The following OR9Q1 variants were observed in gnomAD, a reference collection of about 807,000 sequenced individuals.
The protein encoded by OR9Q1 is olfactory receptor family 9 subfamily Q member 1, also known as olfactory receptor 9Q1.
For synonymous variants in OR9Q1, 153 were observed against 148.6 expected (o/e 1.03, Z -0.22); for missense variants, 374 against 378.8 (o/e 0.99, Z 0.11).
chr11:58,031,404 C>T, intron 1 of OR9Q1: 1 of 1,614,202 alleles, frequency 6.2e-7, no homozygotes, highest in Non-Finnish European at 8.5e-7. Context: ...CTGGCAGCTG[C>T]CTGTTGGCTG....
intron 2 of OR9Q1, among the ~76,000 whole-genome samples, chr11:58,130,361 A>G (rs1854129918): frequency 6.6e-6 from 1 of 152,200 alleles, no homozygotes; most frequent in Non-Finnish European, 1.5e-5. Context: ...CTACATAATC[A>G]TCAAATATTT....
intron 2 of OR9Q1, among the ~76,000 whole-genome samples, chr11:58,099,017 T>C (rs1853758432): frequency 6.6e-6 from 1 of 152,044 alleles, no homozygotes; most frequent in Non-Finnish European, 1.5e-5. Flanking sequence ...GTATTACTAG[T>C]TTCATACCAT....
chr11:58,113,574 T>G (rs1565079332), intron 2 of OR9Q1, among the ~76,000 whole-genome samples: 1 of 152,212 alleles, frequency 6.6e-6, no homozygotes, highest in African/African-American at 2.4e-5. Flanking sequence ...ATATCACCAG[T>G]GGGGACAACC....
In OR9Q1 at chr11:58,024,011, A is replaced by T. The variant is rs930737271; in HGVS notation, c.-186A>T. The stretch of plus-strand genomic sequence containing the variant: ...CTTCCATCTTTAGTCCAGCCCAGCA[A>T]TGTACATGTTATCCTTCCCGTTTGA... On this transcript the variant is annotated 5_prime_UTR_variant, in exon 1 of 3. An upstream start codon of the reference 5' UTR is lost. Coordinates refer to ENST00000335397, the MANE Select transcript of OR9Q1 (RefSeq NM_001005212.4). 1 of 152,234 alleles carries T rather than the reference A, an allele frequency of 6.6e-6. No homozygotes were observed. The highest frequency in any genetic ancestry group is 2.4e-5 in the African/African-American group (1 of 41,452). The allele number at this position is 152,234 out of a possible 1,614,324, so 9.4% of individuals were successfully genotyped here.
At chr11:58,134,260 A>G (rs1212054829) in intron 2 of OR9Q1, among the ~76,000 whole-genome samples, 2 of 152,160 alleles carry the variant, frequency 1.3e-5, no homozygotes, top group Non-Finnish European at 2.9e-5. Flanking sequence ...AGAGGCAGAG[A>G]GCACTAGTAG....
intron 2 of OR9Q1, chr11:58,108,753 T>C (rs929868834): frequency 2.4e-5 from 5 of 207,816 alleles, no homozygotes; most frequent in Non-Finnish European, 3.9e-5. Context: ...TACCAACGAG[T>C]TTTCCAAATG....
intron 2 of OR9Q1, among the ~76,000 whole-genome samples, chr11:58,070,512 A>G (rs1382197511): frequency 6.6e-6 from 1 of 152,152 alleles, no homozygotes; most frequent in Non-Finnish European, 1.5e-5. Context: ...CAATTTATGC[A>G]AATTGGAACT....
intron 1 of OR9Q1, among the ~76,000 whole-genome samples, chr11:58,032,223 TCAATG>T (rs1853048885): frequency 6.6e-6 from 1 of 152,084 alleles, no homozygotes; most frequent in Non-Finnish European, 1.5e-5. Flanking sequence ...TATCAAACTA[TCAATG>T]TCATTTTTCA....
chr11:58,103,159 C>A (rs1343829570), intron 2 of OR9Q1, among the ~76,000 whole-genome samples: 1 of 152,026 alleles, frequency 6.6e-6, no homozygotes, highest in Non-Finnish European at 1.5e-5. Flanking sequence ...AGGAAACTTA[C>A]AATCATGGCA....
chr11:58,126,260 C>T (rs1326541330), intron 2 of OR9Q1, among the ~76,000 whole-genome samples: 5 of 152,162 alleles, frequency 3.3e-5, no homozygotes, highest in Non-Finnish European at 5.9e-5. Context: ...ACTTGTCTTA[C>T]AGTGTTCATA....
At chr11:58,153,152 G>A (rs529182474) in intron 2 of OR9Q1, among the ~76,000 whole-genome samples, 1 of 152,290 alleles carries the variant, frequency 6.6e-6, no homozygotes, top group Non-Finnish European at 1.5e-5. Flanking sequence ...ATAGAATAAA[G>A]CATGCCCAGA....
At chr11:58,055,253 A>C (rs1565062856) in intron 1 of OR9Q1, among the ~76,000 whole-genome samples, 1 of 152,100 alleles carries the variant, frequency 6.6e-6, no homozygotes, top group Non-Finnish European at 1.5e-5. Flanking sequence ...AACATAAAAA[A>C]CACTAAAAAG....
At chr11:58,119,471 G>T in intron 2 of OR9Q1, 2 of 1,336,846 alleles carry the variant, frequency 1.5e-6, no homozygotes, top group Non-Finnish European at 2.1e-6. Context: ...GTTGGTCTGA[G>T]GATGATAATG....
At chr11:58,089,884 T>C (rs1281873453) in intron 2 of OR9Q1, among the ~76,000 whole-genome samples, 1 of 151,922 alleles carries the variant, frequency 6.6e-6, no homozygotes, top group African/African-American at 2.4e-5. Flanking sequence ...TAAGTTGGGT[T>C]CCTAGGTATT....
chr11:58,123,481 T>G (rs1378167792), intron 2 of OR9Q1, among the ~76,000 whole-genome samples: 1 of 152,152 alleles, frequency 6.6e-6, no homozygotes, highest in Non-Finnish European at 1.5e-5. Context: ...ATTGTTGGGG[T>G]GCAGATGCAA....
chr11:58,168,778 A>AT (rs1442733993), intron 2 of OR9Q1, among the ~76,000 whole-genome samples: 2 of 152,070 alleles, frequency 1.3e-5, no homozygotes, highest in East Asian at 1.9e-4. Context: ...TATTTTATTT[A>AT]TTTTTTTGTA....
At chr11:58,146,038 G>A (rs1005970402) in intron 2 of OR9Q1, among the ~76,000 whole-genome samples, 7 of 152,118 alleles carry the variant, frequency 4.6e-5, no homozygotes, top group African/African-American at 1.4e-4. Context: ...ATGGCATAGA[G>A]GTCTCAGACA....
At chr11:58,088,317 A>G (rs1853652873) in intron 2 of OR9Q1, among the ~76,000 whole-genome samples, 1 of 151,966 alleles carries the variant, frequency 6.6e-6, no homozygotes. Context: ...AATGATTTAT[A>G]ATCCTTTGGG....
chr11:58,067,084 T>G (rs566371755), intron 2 of OR9Q1, among the ~76,000 whole-genome samples: 3 of 151,030 alleles, frequency 2.0e-5, no homozygotes, highest in East Asian at 1.9e-4. Context: ...CAGGCTGGAG[T>G]GCAGTGGCGT....
Sources: allele counts gnomAD v4.1 joint callset (sites outside exome capture counted in the v4.1 genomes callset), GRCh38; gene constraint gnomAD v4.1.1; transcripts MANE v1.5; gene names NCBI Gene and HGNC (gene_info 2026-07-23, HGNC 2026-07-21).